CHN1: variants seen among roughly 807,000 people sequenced by gnomAD.
CHN1 encodes the protein N-chimaerin.
CHN1 carries 37 observed loss-of-function variants against 59.5 expected under a neutral mutation model. That is an observed-to-expected ratio of 0.62 (90% CI 0.48 to 0.82). The LOEUF is 0.82. Among genes scored for constraint, CHN1 ranks in the 40% least tolerant of loss-of-function variants. The pLI, the probability that CHN1 is intolerant of heterozygous loss-of-function variation, is 0.00. For missense variants in CHN1, 469 were observed against 571.0 expected (o/e 0.82, Z 1.82); for synonymous variants, 206 against 200.4 (o/e 1.03, Z -0.24).
intron 6 of CHN1, chr2:174,875,991 T>C (rs1274738478): frequency 4.9e-6 from 1 of 203,398 alleles, no homozygotes; most frequent in East Asian, 1.8e-4. Flanking sequence ...CGCAGAGAGA[T>C]ACTTCCCAGT....
intron 1 of CHN1, among the ~76,000 whole-genome samples, chr2:174,953,577 T>G (rs986027317): frequency 6.6e-6 from 1 of 152,086 alleles, no homozygotes; most frequent in Non-Finnish European, 1.5e-5. Flanking sequence ...TTCAGCAAAG[T>G]TTCCAAAGTT....
chr2:174,997,942 A>G (rs1691763035), intron 1 of CHN1, among the ~76,000 whole-genome samples: 1 of 148,024 alleles, frequency 6.8e-6, no homozygotes, highest in Admixed American at 6.9e-5. Flanking sequence ...AGCTGAGACG[A>G]TGCCATTGCA....
At chr2:174,846,743 A>AAAAC in intron 7 of CHN1, 137 bp downstream of exon 7, 3 of 956,326 alleles carry the variant, frequency 3.1e-6, no homozygotes, top group Non-Finnish European at 4.5e-6. Flanking sequence ...AATCAGGCTG[A>AAAAC]AAACATCTCA....
Position 174,853,774 on chromosome 2 carries a change from A to T in CHN1, c.550-6817T>A, listed in dbSNP as rs530236681. On this transcript the variant is annotated intron_variant, in intron 6 of 12. Coordinates refer to ENST00000409900, the MANE Select transcript of CHN1 (RefSeq NM_001822.7). ...TGGTATACTATGCAGCCATTAAAAA[A>T]CATCATGTCCTTTGCAGCAACATGG... is the stretch of plus-strand genomic sequence containing the variant. 3.0e-4 allele frequency among the ~76,000 whole-genome samples: 45 copies of T among 152,292 alleles called. 1 individual carries two copies. The highest frequency in any genetic ancestry group is 9.9e-4 in the African/African-American group (41 of 41,588).
intron 6 of CHN1, among the ~76,000 whole-genome samples, chr2:174,860,038 T>G (rs1687021427): frequency 6.6e-6 from 1 of 152,192 alleles, no homozygotes; most frequent in Non-Finnish European, 1.5e-5. Flanking sequence ...TGCAGTTTTT[T>G]GTCAGATAAT....
intron 5 of CHN1, among the ~76,000 whole-genome samples, chr2:174,885,289 A>T (rs1450528889): frequency 4.0e-5 from 6 of 150,402 alleles, no homozygotes; most frequent in Non-Finnish European, 5.9e-5. Flanking sequence ...AAAAGAAAAA[A>T]AAATATATAT....
intron 7 of CHN1, among the ~76,000 whole-genome samples, chr2:174,839,543 T>C (rs1434750188): frequency 6.6e-6 from 1 of 152,106 alleles, no homozygotes; most frequent in Non-Finnish European, 1.5e-5. Context: ...TTGAGTATCT[T>C]CTAGAAACTT....
intron 7 of CHN1, among the ~76,000 whole-genome samples, chr2:174,840,094 G>T (rs1187062978): frequency 1.9e-4 from 28 of 151,198 alleles, no homozygotes. Context: ...GAGGAATATG[G>T]CATTATTATA....
intron 8 of CHN1, among the ~76,000 whole-genome samples, chr2:174,817,959 G>A (rs1440775489): frequency 1.3e-5 from 2 of 152,102 alleles, no homozygotes; most frequent in Non-Finnish European, 2.9e-5. Flanking sequence ...TTTTAGTAGA[G>A]ATGGGGTTTC....
chr2:174,909,174 T>G (rs1369106002), intron 5 of CHN1, among the ~76,000 whole-genome samples: 1 of 152,110 alleles, frequency 6.6e-6, no homozygotes, highest in Non-Finnish European at 1.5e-5. Context: ...AATTACACCA[T>G]GGGTTGATCT....
intron 1 of CHN1, among the ~76,000 whole-genome samples, chr2:174,976,126 CAAAAAAAAAAAAAAAAAA>C (rs71031078): frequency 4.0e-5 from 2 of 50,188 alleles, no homozygotes; most frequent in African/African-American, 8.9e-5. Flanking sequence ...GACTCCGTCT[CAAAAAAAAAAAAAAAAAA>C]AAAAAAAAAA....
chr2:174,952,624 T>C (rs1259228812), intron 1 of CHN1, among the ~76,000 whole-genome samples: 1 of 152,248 alleles, frequency 6.6e-6, no homozygotes, highest in African/African-American at 2.4e-5. Context: ...GTTAAGTATT[T>C]CTATTATTTT....
At chr2:174,830,087 G>C (rs1685821164) in intron 7 of CHN1, among the ~76,000 whole-genome samples, 1 of 152,048 alleles carries the variant, frequency 6.6e-6, no homozygotes, top group Admixed American at 6.5e-5. Flanking sequence ...CAAAAGAATA[G>C]CCAGGTGTGG....
chr2:174,928,593 C>A (rs886429690), intron 3 of CHN1, among the ~76,000 whole-genome samples: 5 of 152,034 alleles, frequency 3.3e-5, no homozygotes, highest in African/African-American at 1.2e-4. Context: ...TGAGTTTTTC[C>A]ACAATGGTAT....
intron 8 of CHN1, among the ~76,000 whole-genome samples, chr2:174,819,379 C>G (rs1327444336): frequency 6.6e-6 from 1 of 152,188 alleles, no homozygotes; most frequent in Non-Finnish European, 1.5e-5. Context: ...TAATGATACA[C>G]TGAAAACATG....
At chr2:174,908,194 C>T (rs1427481745) in intron 5 of CHN1, among the ~76,000 whole-genome samples, 2 of 152,082 alleles carry the variant, frequency 1.3e-5, no homozygotes, top group Non-Finnish European at 2.9e-5. Flanking sequence ...TCTGGAGTTG[C>T]CAAATTTGGA....
intron 8 of CHN1, among the ~76,000 whole-genome samples, chr2:174,817,308 A>C (rs1156839990): frequency 1.3e-5 from 2 of 152,212 alleles, no homozygotes; most frequent in Admixed American, 6.5e-5. Flanking sequence ...TTTAAAATGC[A>C]GTGATAAAAC....
chr2:174,933,972 G>A (rs373413748), intron 3 of CHN1, among the ~76,000 whole-genome samples: 2 of 152,260 alleles, frequency 1.3e-5, no homozygotes, highest in African/African-American at 4.8e-5. Flanking sequence ...ACAAAATTAT[G>A]AGCTGAAAAT....
chr2:174,905,589 G>C (rs1295376346), intron 5 of CHN1, among the ~76,000 whole-genome samples: 1 of 151,812 alleles, frequency 6.6e-6, no homozygotes. Context: ...CTCTGAGACG[G>C]AGTCTCGCTC....
Sources: allele counts gnomAD v4.1 joint callset (sites outside exome capture counted in the v4.1 genomes callset), GRCh38; gene constraint gnomAD v4.1.1; transcripts MANE v1.5; gene names NCBI Gene and HGNC (gene_info 2026-07-23, HGNC 2026-07-21).